Variants in DCLK2 observed in about 807,000 individuals in gnomAD.
The protein encoded by DCLK2 is serine/threonine-protein kinase DCLK2.
DCLK2 carries 31 observed loss-of-function variants against 78.4 expected under a neutral mutation model. The observed-to-expected ratio is 0.40, with a 90% CI of 0.30 to 0.53. The LOEUF (loss-of-function observed/expected upper bound fraction) is 0.53, where lower values mean the gene tolerates loss of function less well. DCLK2 is among the 20% of genes least tolerant of loss of function. The pLI is 0.61. For synonymous variants in DCLK2, 407 were observed against 374.9 expected, an observed-to-expected ratio of 1.09 and a Z score of -0.99; for missense variants, 872 against 973.7, an observed-to-expected ratio of 0.90 and a Z score of 1.39.
At chr4:150,238,362 A>G (rs894077679) in intron 10 of DCLK2, among the ~76,000 whole-genome samples, 3 of 152,188 alleles carry the variant, frequency 2.0e-5, no homozygotes, top group African/African-American at 7.2e-5. Flanking sequence ...TAGTTTTTAA[A>G]AGTCATAGAT....
In DCLK2 at chr4:150,248,287, T is replaced by G; in HGVS notation, c.1876-18T>G. The G allele has an allele frequency of 6.2e-7, 1 of 1,610,586 alleles. No individual in the cohort carries two copies. The highest frequency in any genetic ancestry group is 8.5e-7 in the Non-Finnish European group (1 of 1,176,914). ...CCTTTCTCCTCCTCTGTGGTCTGACTTGTTTGTTTATTTGTAGGAATTAAT... is the reference window on the plus strand; with the variant it reads ...CCTTTCTCCTCCTCTGTGGTCTGACGTGTTTGTTTATTTGTAGGAATTAAT... On this transcript the variant is annotated intron_variant, in intron 13 of 15. Transcript: ENST00000296550.
At chr4:150,139,154 A>G (rs1184917896) in intron 2 of DCLK2, among the ~76,000 whole-genome samples, 1 of 152,194 alleles carries the variant, frequency 6.6e-6, no homozygotes, top group Non-Finnish European at 1.5e-5. Flanking sequence ...GACCTGGGCC[A>G]CCATGCCTGG....
At chr4:150,186,376 CCAAA>C (rs1737936913) in intron 2 of DCLK2, among the ~76,000 whole-genome samples, 1 of 152,172 alleles carries the variant, frequency 6.6e-6, no homozygotes, top group Non-Finnish European at 1.5e-5. Flanking sequence ...ATCTTAGTGT[CCAAA>C]CAGATATTTT....
chr4:150,094,262 A>G lies in DCLK2; in HGVS notation c.422-8216A>G, dbSNP rs184940995. ...AAAGAAACAAATCAACAGAGTGAAA[A>G]GGCAACCTACAGAATGAGAGAAAAT... On this transcript the variant is annotated intron_variant, in intron 1 of 15. Transcript: ENST00000296550. Among the ~76,000 whole-genome samples, 696 of 152,338 alleles carry G rather than the reference A, an allele frequency of 4.6e-3. 4 individuals carry two copies. The highest frequency in any genetic ancestry group is 0.016 in the African/African-American group (660 of 41,584).
At chr4:150,196,353 A>C (rs1739030666) in intron 3 of DCLK2, among the ~76,000 whole-genome samples, 1 of 152,192 alleles carries the variant, frequency 6.6e-6, no homozygotes, top group Admixed American at 6.5e-5. Flanking sequence ...AATAATCTAC[A>C]CACACCTTTC....
At chr4:150,253,521 C>G (rs763648146) in intron 15 of DCLK2, 1 of 1,289,672 alleles carries the variant, frequency 7.8e-7, no homozygotes, top group African/African-American at 1.5e-5. Context: ...TTCTTTACCC[C>G]GCTGAGACAG....
chr4:150,161,468 G>C (rs755921530), intron 2 of DCLK2, among the ~76,000 whole-genome samples: 21 of 152,206 alleles, frequency 1.4e-4, no homozygotes, highest in Middle Eastern at 3.4e-3. Context: ...TTGGTTCCCA[G>C]AGGTCTAAGA....
chr4:150,144,480 T>C (rs1430859980), intron 2 of DCLK2, among the ~76,000 whole-genome samples: 4 of 152,204 alleles, frequency 2.6e-5, no homozygotes, highest in African/African-American at 7.2e-5. Flanking sequence ...TTAGTTACTA[T>C]AGTCTTGTGG....
chr4:150,216,061 G>A lies in DCLK2; in HGVS notation c.1057-4642G>A, dbSNP rs78943162. Reference sequence around the variant, plus strand: ...GTCAACAATAATATGCCATAATGCAGTAAGTAACCACTCTTGCTACTTTTT... The same window carrying A: ...GTCAACAATAATATGCCATAATGCAATAAGTAACCACTCTTGCTACTTTTT... On this transcript the variant is annotated intron_variant, in intron 5 of 15. Transcript: ENST00000296550. Among the ~76,000 whole-genome samples, 403 of 151,852 alleles carry A rather than the reference G, an allele frequency of 2.7e-3. 3 individuals carry two copies. The highest frequency in any genetic ancestry group is 9.1e-3 in the African/African-American group (378 of 41,558).
At chr4:150,254,936 C>T (rs1228802455) in intron 15 of DCLK2, among the ~76,000 whole-genome samples, 6 of 152,098 alleles carry the variant, frequency 3.9e-5, no homozygotes, top group Non-Finnish European at 8.8e-5. Flanking sequence ...CCTTGGCCTC[C>T]GGAAGTGCTG....
chr4:150,152,664 T>C (rs183540610), intron 2 of DCLK2, among the ~76,000 whole-genome samples: 1 of 152,360 alleles, frequency 6.6e-6, no homozygotes, highest in Non-Finnish European at 1.5e-5. Flanking sequence ...TGTACTGCCC[T>C]GAGAGAAGCG....
intron 2 of DCLK2, among the ~76,000 whole-genome samples, chr4:150,154,235 C>T (rs1735098587): frequency 6.6e-6 from 1 of 152,180 alleles, no homozygotes; most frequent in Admixed American, 6.5e-5. Context: ...CTTCACTTGC[C>T]AGTGAACATT....
chr4:150,190,925 C>T (rs1467462932), intron 2 of DCLK2, among the ~76,000 whole-genome samples: 3 of 152,076 alleles, frequency 2.0e-5, no homozygotes, highest in African/African-American at 4.8e-5. Flanking sequence ...GACCCCATCT[C>T]TACCTACTTA....
intron 2 of DCLK2, among the ~76,000 whole-genome samples, chr4:150,156,700 A>G (rs1188828720): frequency 6.6e-6 from 1 of 151,498 alleles, no homozygotes; most frequent in Non-Finnish European, 1.5e-5. Flanking sequence ...ATGTCCACAC[A>G]CCAAAAGAAT....
At chr4:150,199,648 C>T (rs1187290512) in intron 4 of DCLK2, among the ~76,000 whole-genome samples, 1 of 152,168 alleles carries the variant, frequency 6.6e-6, no homozygotes, top group East Asian at 1.9e-4. Context: ...AAAAATGTGA[C>T]AATTAACAAT....
At chr4:150,096,522 G>A (rs1303383925) in intron 1 of DCLK2, among the ~76,000 whole-genome samples, 3 of 151,906 alleles carry the variant, frequency 2.0e-5, no homozygotes, top group Non-Finnish European at 4.4e-5. Context: ...GGAGGATGAG[G>A]GATGCCTGGG....
intron 2 of DCLK2, among the ~76,000 whole-genome samples, chr4:150,156,702 C>CA (rs982441082): frequency 6.6e-6 from 1 of 151,260 alleles, no homozygotes; most frequent in African/African-American, 2.4e-5. Flanking sequence ...GTCCACACAC[C>CA]AAAAGAATAT....
chr4:150,256,691 C>CT lies in DCLK2; in HGVS notation c.*454dup, dbSNP rs976016791. On this transcript the variant is annotated 3_prime_UTR_variant, in exon 16 of 16. Coordinates refer to ENST00000296550, the MANE Select transcript of DCLK2 (RefSeq NM_001040260.4). ...TCTTTTCTTTTCTCTCTCTCTCTCTCTTTTTTTTTTACGAAAGACTTAGAA... is the reference window on the plus strand; with the variant it reads ...TCTTTTCTTTTCTCTCTCTCTCTCTCTTTTTTTTTTTACGAAAGACTTAGAA... The CT allele has an allele frequency of 9.9e-4, 115 of 116,432 alleles. No individual in the cohort carries two copies. The highest frequency in any genetic ancestry group is 2.6e-3 in the East Asian group (12 of 4,648). 7.2% of individuals were successfully genotyped at this position (116,432 alleles called of 1,614,324 possible).
chr4:150,172,204 T>A (rs1173925447), intron 2 of DCLK2, among the ~76,000 whole-genome samples: 3 of 152,178 alleles, frequency 2.0e-5, no homozygotes, highest in Non-Finnish European at 4.4e-5. Context: ...ATGGAAATGC[T>A]CTTTGATGAA....
Sources: allele counts gnomAD v4.1 joint callset (sites outside exome capture counted in the v4.1 genomes callset), GRCh38; gene constraint gnomAD v4.1.1; transcripts MANE v1.5; gene names NCBI Gene and HGNC (gene_info 2026-07-23, HGNC 2026-07-21).